The following IPO11 variants were observed in gnomAD, a reference collection of about 807,000 sequenced individuals.
IPO11 encodes the protein importin 11.
Under a neutral mutation model 143.2 loss-of-function variants are expected in IPO11, and 66 were observed. The observed-to-expected ratio is 0.46, with a 90% confidence interval of 0.38 to 0.57. The LOEUF (loss-of-function observed/expected upper bound fraction) is 0.57, where lower values mean the gene tolerates loss of function less well. IPO11 is among the 20% of genes least tolerant of loss of function. IPO11 has a pLI of 0.00. For synonymous variants in IPO11, 385 were observed against 377.8 expected (o/e 1.02, Z -0.22); for missense variants, 1,026 against 1,141.0 (o/e 0.90, Z 1.45).
intron 26 of IPO11, among the ~76,000 whole-genome samples, chr5:62,552,123 C>T (rs910943509): frequency 6.8e-6 from 1 of 147,126 alleles, no homozygotes; most frequent in Non-Finnish European, 1.5e-5. Flanking sequence ...AACTCTGTCT[C>T]AAAAAAGAAA....
chr5:62,457,084 G>GT (rs1261645540), intron 5 of IPO11, among the ~76,000 whole-genome samples: 1 of 152,068 alleles, frequency 6.6e-6, no homozygotes, highest in African/African-American at 2.4e-5. Context: ...TGTCTCTGGG[G>GT]TGGGGGGGAA....
intron 5 of IPO11, among the ~76,000 whole-genome samples, chr5:62,453,973 A>T (rs547828763): frequency 1.3e-5 from 2 of 152,140 alleles, no homozygotes; most frequent in South Asian, 4.2e-4. Context: ...TCTACTAAAA[A>T]TACAAAAAAA....
At chr5:62,622,125 A>G (rs1249244094) in intron 29 of IPO11, among the ~76,000 whole-genome samples, 1 of 151,960 alleles carries the variant, frequency 6.6e-6, no homozygotes, top group Non-Finnish European at 1.5e-5. Context: ...AAATACCTGT[A>G]GATGTTTTAT....
At chr5:62,568,108 G>T (rs1744016635) in intron 27 of IPO11, among the ~76,000 whole-genome samples, 1 of 151,728 alleles carries the variant, frequency 6.6e-6, no homozygotes, top group South Asian at 2.1e-4. Context: ...TGGGACTACA[G>T]GTGCATACCA....
intron 27 of IPO11, among the ~76,000 whole-genome samples, chr5:62,589,049 G>A (rs1164452074): frequency 1.3e-5 from 2 of 152,130 alleles, no homozygotes; most frequent in East Asian, 1.9e-4. Context: ...GCTGCCTCAT[G>A]TACGAAGATA....
intron 3 of IPO11, among the ~76,000 whole-genome samples, chr5:62,444,392 G>A (rs1395313786): frequency 6.6e-6 from 1 of 151,696 alleles, no homozygotes; most frequent in Admixed American, 6.6e-5. Context: ...GTGCCCGGCC[G>A]GAGTAATTTT....
At chr5:62,501,219 C>CT (rs1259585468) in intron 16 of IPO11, among the ~76,000 whole-genome samples, 1 of 152,100 alleles carries the variant, frequency 6.6e-6, no homozygotes. Flanking sequence ...TGTACACTCT[C>CT]TAATTTTTTT....
chr5:62,464,143 GTTTTT>G (rs34056674), intron 5 of IPO11, among the ~76,000 whole-genome samples: 5 of 78,676 alleles, frequency 6.4e-5, no homozygotes, highest in African/African-American at 2.6e-4. Flanking sequence ...GTTTTTGGTG[GTTTTT>G]TTTTTTTTTT....
chr5:62,480,319 C>G (rs183699592), intron 9 of IPO11, among the ~76,000 whole-genome samples: 1 of 152,308 alleles, frequency 6.6e-6, no homozygotes, highest in African/African-American at 2.4e-5. Context: ...CGTACCAGTA[C>G]CATGCTGTTT....
At chr5:62,476,538 AAAT>A in intron 8 of IPO11, 142 bp from the exon 9 acceptor site, 1 of 830,318 alleles carries the variant, frequency 1.2e-6, no homozygotes, top group Non-Finnish European at 1.7e-6. Context: ...TACTCAGTGT[AAAT>A]CTTGGTATTG....
chr5:62,537,777 G>A (rs977769998), intron 24 of IPO11, among the ~76,000 whole-genome samples: 1 of 151,876 alleles, frequency 6.6e-6, no homozygotes, highest in African/African-American at 2.4e-5. Flanking sequence ...CAGTCTCTAA[G>A]TTGTATATTA....
At chr5:62,599,968 G>A (rs1048379817) in intron 28 of IPO11, among the ~76,000 whole-genome samples, 6 of 152,046 alleles carry the variant, frequency 3.9e-5, no homozygotes, top group Non-Finnish European at 5.9e-5. Flanking sequence ...CTAGTTTTTG[G>A]TCAGTGAAAG....
chr5:62,533,909 T>G (rs1237317686), intron 22 of IPO11, among the ~76,000 whole-genome samples: 1 of 150,762 alleles, frequency 6.6e-6, no homozygotes, highest in Non-Finnish European at 1.5e-5. Context: ...GTTACTCTGC[T>G]CTTGCATTCC....
At chr5:62,440,386 G>GC (rs1194541561) in intron 2 of IPO11, among the ~76,000 whole-genome samples, 2 of 135,162 alleles carry the variant, frequency 1.5e-5, no homozygotes, top group Non-Finnish European at 3.1e-5. Flanking sequence ...GTGGAGTCTC[G>GC]CTGTGTTGCC....
intron 27 of IPO11, among the ~76,000 whole-genome samples, chr5:62,584,118 A>G (rs1167472019): frequency 6.6e-6 from 1 of 152,230 alleles, no homozygotes; most frequent in Non-Finnish European, 1.5e-5. Flanking sequence ...TATAAATTAA[A>G]AGCATATAAC....
intron 3 of IPO11, among the ~76,000 whole-genome samples, chr5:62,444,749 A>G (rs1239345604): frequency 1.3e-5 from 2 of 151,952 alleles, no homozygotes; most frequent in African/African-American, 2.4e-5. Flanking sequence ...GATGCCTGTA[A>G]TCCCAGTTGC....
At chr5:62,562,703 C>G (rs975321685) in intron 27 of IPO11, among the ~76,000 whole-genome samples, 1 of 152,150 alleles carries the variant, frequency 6.6e-6, no homozygotes, top group Non-Finnish European at 1.5e-5. Context: ...CATACATATA[C>G]TAGTGATAAA....
At chr5:62,413,456 A>G (rs912227491) in intron 1 of IPO11, 1 of 152,182 alleles carries the variant, frequency 6.6e-6, no homozygotes, top group African/African-American at 2.4e-5. Flanking sequence ...ATGGCCGCCA[A>G]TTCTCAAGCT....
intron 12 of IPO11, among the ~76,000 whole-genome samples, 200 bp from the exon 13 acceptor site, chr5:62,487,571 T>C (rs1050666011): frequency 2.6e-5 from 4 of 152,158 alleles, no homozygotes; most frequent in African/African-American, 9.7e-5. Flanking sequence ...AACTTTCTTT[T>C]ATTAATTATA....
Sources: allele counts gnomAD v4.1 joint callset (sites outside exome capture counted in the v4.1 genomes callset), GRCh38; gene constraint gnomAD v4.1.1; transcripts MANE v1.5; gene names NCBI Gene and HGNC (gene_info 2026-07-23, HGNC 2026-07-21).